The following CTNNAL1 variants were observed in gnomAD, a reference collection of about 807,000 sequenced individuals.
CTNNAL1 encodes the protein catenin alpha like 1.
CTNNAL1 carries 69 observed loss-of-function variants against 93.6 expected under a neutral mutation model. The observed-to-expected ratio is 0.74, with a 90% CI of 0.61 to 0.90. The LOEUF is 0.90. Among genes scored for constraint, CTNNAL1 ranks in the 40% least tolerant of loss-of-function variants. The pLI is 0.00. For missense variants in CTNNAL1, 836 were observed against 862.0 expected (o/e 0.97, Z 0.38); for synonymous variants, 286 against 305.4 (o/e 0.94, Z 0.66).
intron 8 of CTNNAL1, 31 bp from the exon 9 acceptor site, chr9:108,972,864 G>GGGGGGGGGGGCCCCC: frequency 4.9e-5 from 7 of 142,512 alleles, no homozygotes; most frequent in South Asian, 1.2e-4. Flanking sequence ...GGGGGGGTGG[G>GGGGGGGGGGGCCCCC]AGGGTGGAGA....
At chr9:108,956,189 CAG>C (rs1830684290) in intron 11 of CTNNAL1, among the ~76,000 whole-genome samples, 3 of 152,276 alleles carry the variant, frequency 2.0e-5, no homozygotes, top group Admixed American at 1.3e-4. Context: ...TTATCAGTAC[CAG>C]TATCAGCGCT....
At chr9:108,949,282 G>A (rs190769967) in intron 14 of CTNNAL1, among the ~76,000 whole-genome samples, 17 of 152,198 alleles carry the variant, frequency 1.1e-4, no homozygotes, top group Non-Finnish European at 1.9e-4. Context: ...GCTTCCCCTC[G>A]TAGTGCAACC....
chr9:108,999,369 T>A (rs1826701320), intron 1 of CTNNAL1, 113 bp from the exon 2 acceptor site: 1 of 996,082 alleles, frequency 1.0e-6, no homozygotes, highest in Non-Finnish European at 1.4e-6. Context: ...ATAGACTAAA[T>A]CAATAGTTAG....
In CTNNAL1 at chr9:109,013,462, A is replaced by T; in HGVS notation, c.-20T>A. On this transcript the variant is annotated 5_prime_UTR_variant, in exon 1 of 19. Coordinates refer to ENST00000325551, the MANE Select transcript of CTNNAL1 (RefSeq NM_003798.4). Reference sequence around the variant, plus strand: ...GGCCATGGCCCTCGGTCTATCCCGCAGCCGGGACTCCGCGCCGCGGCGAGC... The same window carrying T: ...GGCCATGGCCCTCGGTCTATCCCGCTGCCGGGACTCCGCGCCGCGGCGAGC... 7.3e-7 allele frequency: 1 copy of T among 1,368,308 alleles called. No homozygotes were observed. The highest frequency in any genetic ancestry group is 2.3e-4 in the Middle Eastern group (1 of 4,368). The allele number at this position is 1,368,308 out of a possible 1,614,324, so 84.8% of individuals were successfully genotyped here.
chr9:108,980,261 T>C (rs909691748), intron 6 of CTNNAL1, among the ~76,000 whole-genome samples: 10 of 152,156 alleles, frequency 6.6e-5, no homozygotes, highest in Non-Finnish European at 4.4e-5. Flanking sequence ...CTTGACTATG[T>C]GATGAACACA....
Position 108,999,189 on chromosome 9 carries a change from C to T in CTNNAL1, c.209G>A (p.Arg70His), listed in dbSNP as rs116781162. The change falls in exon 2 of 19, where the codon CGT becomes CAT. Residue 70 changes from arginine to histidine, a missense_variant. Physicochemically the swap from Arg to His is conservative, Grantham distance 29 (BLOSUM62 0). Coordinates refer to ENST00000325551, the MANE Select transcript of CTNNAL1 (RefSeq NM_003798.4). The stretch of plus-strand genomic sequence containing the variant: ...TGCCAAGTTGACAGCTTGTCCTACA[C>T]GCTGAATTGCTTGCAGAGTTTTATC... ...KSDKTLQAIQRVGQAVNLAVG... is the reference protein window; with the variant it reads ...KSDKTLQAIQHVGQAVNLAVG... 1.9e-4 allele frequency: 301 copies of T among 1,613,234 alleles called. 2 individuals are homozygous for T. The African/African-American group carries it at 2.9e-3, about 16-fold the overall frequency.
chr9:108,977,003 T>C lies in CTNNAL1; in HGVS notation c.1147A>G (p.Ile383Val). ...TTAAGACTGTGACTGATTTTCAAAATACTGAGTTCCAGTTCTTCAGCGATG... is the reference window on the plus strand; with the variant it reads ...TTAAGACTGTGACTGATTTTCAAAACACTGAGTTCCAGTTCTTCAGCGATG... Reference protein sequence around the residue: ...KSIAEELELSILKISHSLNEL... With the variant: ...KSIAEELELSVLKISHSLNEL... Residue 383 changes from isoleucine (I) to valine (V), a missense_variant, in exon 8 of 19, where the codon ATT becomes GTT. Physicochemically the swap from Ile to Val is conservative, Grantham distance 29 (BLOSUM62 3). Transcript: ENST00000325551. The C allele has an allele frequency of 6.5e-7, 1 of 1,537,136 alleles. No individual in the cohort carries two copies. Among genetic ancestry groups the C allele is most frequent in the Non-Finnish European group, 8.7e-7 (1 of 1,144,028 alleles).
intron 8 of CTNNAL1, 31 bp from the exon 9 acceptor site, chr9:108,972,864 G>GGGGGGC: frequency 3.5e-5 from 5 of 142,554 alleles, no homozygotes; most frequent in Non-Finnish European, 3.0e-5. Context: ...GGGGGGGTGG[G>GGGGGGC]AGGGTGGAGA....
intron 4 of CTNNAL1, 39 bp from the exon 5 acceptor site, chr9:108,984,475 T>C (rs1248741513): frequency 1.8e-6 from 2 of 1,128,568 alleles, no homozygotes; most frequent in Admixed American, 1.8e-5. Flanking sequence ...TCTAAGACCA[T>C]GTGAACAACC....
chr9:108,973,336 C>A (rs184682237), intron 8 of CTNNAL1, among the ~76,000 whole-genome samples: 2 of 152,152 alleles, frequency 1.3e-5, no homozygotes, highest in Non-Finnish European at 2.9e-5. Flanking sequence ...TTAATAAGTT[C>A]TTTAGCATAC....
intron 16 of CTNNAL1, 35 bp downstream of exon 16, chr9:108,943,927 C>G: frequency 6.2e-7 from 1 of 1,607,198 alleles, no homozygotes; most frequent in Non-Finnish European, 8.5e-7. Flanking sequence ...ATACATAATA[C>G]CACCACCAGC....
intron 8 of CTNNAL1, 31 bp from the exon 9 acceptor site, chr9:108,972,864 G>GGGGGGGGGGCCCCCCCCCCCCCC: frequency 4.9e-5 from 7 of 142,550 alleles, no homozygotes; most frequent in East Asian, 2.2e-4. Context: ...GGGGGGGTGG[G>GGGGGGGGGGCCCCCCCCCCCCCC]AGGGTGGAGA....
At position 108,942,834 on chromosome 9, in the gene CTNNAL1, G is replaced by A; in HGVS notation, c.2140C>T (p.Leu714Phe). The part of the protein sequence containing the change: ...LSLCYKLLKK[L>F]QMENNGWVSV... The stretch of plus-strand genomic sequence containing the variant: ...ACCCATCCGTTATTTTCCATCTGAA[G>A]CTGGAAAGAGTTAAGACAATTAGTA... Residue 714 changes from leucine to phenylalanine, a missense_variant and splice_region_variant, in exon 19 of 19, where the codon CTT becomes TTT. Leu to Phe is a conservative substitution (Grantham distance 22). Coordinates refer to ENST00000325551, the MANE Select transcript of CTNNAL1 (RefSeq NM_003798.4). 1 of 1,613,498 alleles carries A rather than the reference G, an allele frequency of 6.2e-7. No individual in the cohort carries two copies. The highest frequency in any genetic ancestry group is 8.5e-7 in the Non-Finnish European group (1 of 1,179,738).
chr9:108,950,434 T>TA, intron 14 of CTNNAL1: 2 of 1,476,302 alleles, frequency 1.4e-6, no homozygotes, highest in Non-Finnish European at 9.1e-7. Flanking sequence ...GAAAATATGA[T>TA]AAGGTACTGA....
At chr9:108,960,590 T>C (rs1830798303) in intron 11 of CTNNAL1, among the ~76,000 whole-genome samples, 1 of 152,180 alleles carries the variant, frequency 6.6e-6, no homozygotes, top group South Asian at 2.1e-4. Flanking sequence ...ATAACTGCCC[T>C]ACATAGTTTA....
intron 8 of CTNNAL1, among the ~76,000 whole-genome samples, chr9:108,976,317 A>T (rs1831264359): frequency 6.6e-6 from 1 of 152,100 alleles, no homozygotes; most frequent in African/African-American, 2.4e-5. Flanking sequence ...ATTCATCCAT[A>T]TTGTTGCATG....
chr9:108,944,104 G>T, intron 15 of CTNNAL1, 86 bp from the exon 16 acceptor site: 2 of 1,300,226 alleles, frequency 1.5e-6, no homozygotes, highest in Non-Finnish European at 2.1e-6. Flanking sequence ...TTTTTACGTA[G>T]AATTTTAAAA....
chr9:108,990,283 T>C (rs997941704), intron 4 of CTNNAL1, among the ~76,000 whole-genome samples: 1 of 143,474 alleles, frequency 7.0e-6, no homozygotes, highest in African/African-American at 2.4e-5. Flanking sequence ...ACCTAACACA[T>C]AGGCAGTGCA....
rs768597170 is a variant in CTNNAL1, at chr9:108,952,504, TAA to T, written c.1630-12_1630-11del. The T allele has an allele frequency of 2.5e-5, 41 of 1,613,988 alleles. No homozygotes were observed. In the East Asian group the frequency reaches 8.9e-4, roughly 35 times the overall value. On this transcript the variant is annotated splice_polypyrimidine_tract_variant and intron_variant, in intron 12 of 18. Transcript: ENST00000325551. ...GGTTTGCATTATTCTTCTGTGACAATAAAAAGATTAAGATTATCTTAAAAAGC... is the reference window on the plus strand; with the variant it reads ...GGTTTGCATTATTCTTCTGTGACAATAAAGATTAAGATTATCTTAAAAAGC...
Sources: gnomAD v4.1 joint callset for allele counts (sites outside exome capture counted in the v4.1 genomes callset) on GRCh38, gnomAD v4.1.1 for gene constraint, MANE v1.5 for transcripts, NCBI Gene and HGNC (gene_info 2026-07-23, HGNC 2026-07-21) for gene names.